Variants in RPE observed in about 807,000 individuals in gnomAD.
RPE encodes the protein ribulose-5-phosphate-3-epimerase, also known as ribulose-phosphate 3-epimerase.
Under a neutral mutation model 24.6 loss-of-function variants are expected in RPE, and 16 were observed. The observed-to-expected ratio is 0.65, with a 90% CI of 0.44 to 0.99. The LOEUF (loss-of-function observed/expected upper bound fraction) is 0.99, where lower values mean the gene tolerates loss of function less well. RPE is among the 50% of genes least tolerant of loss of function. The probability of loss-of-function intolerance (pLI) is 0.00; values close to 1 mark genes in which losing one functional copy is unlikely to be tolerated. For synonymous variants in RPE, 93 were observed against 98.4 expected, an observed-to-expected ratio of 0.94 and a Z score of 0.33; for missense variants, 240 against 294.5, an observed-to-expected ratio of 0.81 and a Z score of 1.35.
intron 1 of RPE, among the ~76,000 whole-genome samples, chr2:210,007,718 CTTATT>C (rs2093648538): frequency 6.6e-6 from 1 of 152,154 alleles, no homozygotes; most frequent in African/African-American, 2.4e-5. Flanking sequence ...AATACTTGCT[CTTATT>C]TTATGTATGT....
Position 210,016,020 on chromosome 2 carries a change from G to A in RPE, c.250G>A (p.Ala84Thr), listed in dbSNP as rs2093766394. 1 of 1,614,058 alleles carries A rather than the reference G, an allele frequency of 6.2e-7. No individual in the cohort carries two copies. Among genetic ancestry groups the A allele is most frequent in the Admixed American group, 1.7e-5 (1 of 59,994 alleles). Reference sequence around the variant, plus strand: ...GCCAGAACAGTGGGTAAAGCCAATGGCTGTAGCAGGAGCCAATCAGTACAC... The same window carrying A: ...GCCAGAACAGTGGGTAAAGCCAATGACTGTAGCAGGAGCCAATCAGTACAC... ...SKPEQWVKPM[A>T]VAGANQYTFH... The change falls in exon 3 of 6, where the codon GCT (alanine) becomes ACT (threonine). Residue 84 changes from alanine to threonine, a missense_variant. Physicochemically the swap from Ala to Thr is moderately conservative, Grantham distance 58 (BLOSUM62 0). Coordinates refer to ENST00000359429, the MANE Select transcript of RPE (RefSeq NM_199229.3).
At position 210,022,019 on chromosome 2, in the gene RPE, A is replaced by C. The variant is rs1301757827; in HGVS notation, c.*2228A>C. The C allele has an allele frequency of 3.5e-5, 5 of 142,132 alleles. No homozygotes were observed. In the South Asian group the frequency reaches 1.1e-3, roughly 31 times the overall value. The allele number at this position is 142,132 out of a possible 1,614,324, so 8.8% of individuals were successfully genotyped here. A position where few individuals can be genotyped will look rare whatever the true frequency, so the allele number is the denominator to read the frequency against. On this transcript the variant is annotated 3_prime_UTR_variant, in exon 6 of 6. Coordinates refer to ENST00000359429, the MANE Select transcript of RPE (RefSeq NM_199229.3). ...TACAATCATCTTTTTTTTTTTTTTC[A>C]AATTTTATACTGATAGGGCTTTACT... is the stretch of plus-strand genomic sequence containing the variant.
intron 5 of RPE, chr2:210,018,164 A>T (rs768275592): frequency 6.5e-7 from 1 of 1,534,664 alleles, no homozygotes; most frequent in South Asian, 1.2e-5. Flanking sequence ...CCTTTGGAAG[A>T]TCATTAAGTT....
intron 1 of RPE, among the ~76,000 whole-genome samples, chr2:210,008,421 G>C (rs1414953312): frequency 2.0e-5 from 3 of 149,250 alleles, no homozygotes; most frequent in African/African-American, 7.4e-5. Flanking sequence ...TCAGCCTCCT[G>C]AGTATCTGGG....
At position 210,002,784 on chromosome 2, in the gene RPE, G is replaced by A. The variant is rs1224930528; in HGVS notation, c.122+1G>A. 3.1e-6 allele frequency: 5 copies of A among 1,614,144 alleles called. No homozygotes were observed. Among genetic ancestry groups the A allele is most frequent in the Non-Finnish European group, 4.2e-6 (5 of 1,179,998 alleles). ...ATCTGCACCTGGACGTAATGGACGG[G>A]TAACTCCTCCGGGCTCCGGTCGGGC... On this transcript the variant is annotated splice_donor_variant, in intron 1 of 5. Transcript: ENST00000359429. LOFTEE classifies it high-confidence loss of function.
At chr2:210,012,853 A>C (rs2093719450) in intron 2 of RPE, among the ~76,000 whole-genome samples, 4 of 152,226 alleles carry the variant, frequency 2.6e-5, no homozygotes, top group African/African-American at 9.6e-5. Flanking sequence ...TTATTTTACC[A>C]AATGTGATTT....
intron 1 of RPE, among the ~76,000 whole-genome samples, chr2:210,004,078 A>G (rs752733537): frequency 5.1e-4 from 77 of 152,302 alleles, no homozygotes; most frequent in East Asian, 1.7e-3. Flanking sequence ...GAAAGCCCTA[A>G]ACTGTCACAG....
intron 2 of RPE, among the ~76,000 whole-genome samples, chr2:210,010,912 C>T (rs1269875707): frequency 2.7e-5 from 4 of 150,176 alleles, no homozygotes; most frequent in Admixed American, 2.6e-4. Context: ...TGTGACACTC[C>T]ATGTCAAAAA....
chr2:210,017,209 C>T (rs1156991389), intron 4 of RPE, among the ~76,000 whole-genome samples: 1 of 152,174 alleles, frequency 6.6e-6, no homozygotes, highest in Non-Finnish European at 1.5e-5. Flanking sequence ...TTGTCATTGA[C>T]TATTGAGGAT....
rs754246274 is a variant in RPE, at chr2:210,002,734, C to G, written c.73C>G (p.Arg25Gly). Residue 25 changes from arginine (R) to glycine (G), a missense_variant, in exon 1 of 6, where the codon CGG (arginine) becomes GGG (glycine). Arg to Gly is a moderately radical substitution (Grantham distance 125, BLOSUM62 -2). Coordinates refer to ENST00000359429, the MANE Select transcript of RPE (RefSeq NM_199229.3). ...DLANLGAECL[R>G]MLDSGADYLH... The stretch of plus-strand genomic sequence containing the variant: ...GGCCAATTTAGGGGCCGAGTGCCTC[C>G]GGATGCTAGACTCTGGGGCCGATTA... 4.3e-6 allele frequency: 7 copies of G among 1,614,182 alleles called. No homozygotes were observed. Among genetic ancestry groups the G allele is most frequent in the Non-Finnish European group, 5.9e-6 (7 of 1,180,028 alleles).
intron 1 of RPE, among the ~76,000 whole-genome samples, chr2:210,002,999 C>T (rs1344459453): frequency 6.6e-6 from 1 of 152,118 alleles, no homozygotes; most frequent in East Asian, 1.9e-4. Flanking sequence ...AACCTCAGTT[C>T]CTCCCCTCCC....
chr2:210,017,010 A>T (rs2093781349), intron 4 of RPE, among the ~76,000 whole-genome samples: 1 of 152,092 alleles, frequency 6.6e-6, no homozygotes, highest in Non-Finnish European at 1.5e-5. Flanking sequence ...TGCCCGGCTA[A>T]TTCTTACACA....
intron 2 of RPE, among the ~76,000 whole-genome samples, chr2:210,014,680 C>T (rs1423117036): frequency 1.3e-5 from 2 of 149,644 alleles, no homozygotes; most frequent in African/African-American, 2.5e-5. Context: ...GAAATACAAA[C>T]GTTAATCTTG....
intron 3 of RPE, 138 bp from the exon 4 acceptor site, chr2:210,016,369 G>A (rs1211498891): frequency 1.5e-5 from 23 of 1,561,760 alleles, no homozygotes; most frequent in Non-Finnish European, 1.9e-5. Flanking sequence ...GCTACTGCTT[G>A]TTGAAAATAC....
At chr2:210,008,215 G>A (rs1008981113) in intron 1 of RPE, among the ~76,000 whole-genome samples, 9 of 151,714 alleles carry the variant, frequency 5.9e-5, no homozygotes, top group Non-Finnish European at 1.0e-4. Context: ...GAACTGTAGC[G>A]TATTTCCTTT....
intron 1 of RPE, among the ~76,000 whole-genome samples, chr2:210,008,951 C>T (rs1254625625): frequency 3.9e-5 from 6 of 152,198 alleles, no homozygotes; most frequent in African/African-American, 1.4e-4. Context: ...CCGCCTCAGC[C>T]TCCCAAAGTA....
Position 210,019,871 on chromosome 2 carries a change from T to A in RPE, c.*80T>A. ...AGGAATATTGACTACCAAATCACAA[T>A]GCAATTGAAGCCGTACTGCTTTTTT... On this transcript the variant is annotated 3_prime_UTR_variant, in exon 6 of 6. Transcript: ENST00000359429. 6.6e-7 allele frequency: 1 copy of A among 1,509,650 alleles called. No homozygotes were observed. The highest frequency in any genetic ancestry group is 8.9e-7 in the Non-Finnish European group (1 of 1,121,220). The allele number at this position is 1,509,650 out of a possible 1,614,324, so 93.5% of individuals were successfully genotyped here.
At chr2:210,018,162 A>C in intron 5 of RPE, 1 of 1,534,504 alleles carries the variant, frequency 6.5e-7, no homozygotes, top group South Asian at 1.2e-5. Context: ...GCCCTTTGGA[A>C]GATCATTAAG....
Position 210,019,786 on chromosome 2 carries a change from C to A in RPE, c.682C>A (p.Arg228=), listed in dbSNP as rs754352929. The change falls in exon 6 of 6, where the codon CGG becomes AGG. Residue 228 remains arginine (R), a synonymous_variant. Transcript: ENST00000359429. ...AGCTGCTCAGAAACGTTCTCTTGAT[C>A]GGTGAAACCATAAGGAGCCCAGTGT... ...SEAAQKRSLD[R] The A allele has an allele frequency of 2.5e-6, 4 of 1,611,828 alleles. No homozygotes were observed. The East Asian group carries it at 6.7e-5, about 27-fold the overall frequency.
Sources: allele counts gnomAD v4.1 joint callset (sites outside exome capture counted in the v4.1 genomes callset), GRCh38; gene constraint gnomAD v4.1.1; transcripts MANE v1.5; gene names NCBI Gene and HGNC (gene_info 2026-07-23, HGNC 2026-07-21).